BCR: variants seen among roughly 807,000 people sequenced by gnomAD.
BCR encodes breakpoint cluster region protein.
In BCR, 58 loss-of-function variants were observed where a neutral mutation model predicts 138.6. That is an observed-to-expected ratio of 0.42 (90% confidence interval 0.34 to 0.52). BCR has a LOEUF of 0.52. BCR is among the 20% of genes least tolerant of loss of function. BCR has a pLI of 0.06. For missense variants in BCR, 1,599 were observed against 1,727.2 expected (o/e 0.93, Z 1.32); for synonymous variants, 786 against 730.1 (o/e 1.08, Z -1.23).
intron 1 of BCR, 76 bp downstream of exon 1, chr22:23,182,315 CAG>C (rs1281756552): frequency 1.8e-5 from 26 of 1,425,236 alleles, no homozygotes; most frequent in Middle Eastern, 2.1e-4. Flanking sequence ...GGATACAAAA[CAG>C]AAGTTGGGAG....
intron 1 of BCR, among the ~76,000 whole-genome samples, chr22:23,239,188 A>AAGTGCAGGGGCTGTGCTCAGGAAGG (rs2073060023): frequency 6.6e-6 from 1 of 152,100 alleles, no homozygotes; most frequent in Non-Finnish European, 1.5e-5. Context: ...GAGAGTCTGA[A>AAGTGCAGGGGCTGTGCTCAGGAAGG]AGTGCAGGGG....
At chr22:23,223,491 GATGAA>G (rs1419213532) in intron 1 of BCR, among the ~76,000 whole-genome samples, 6 of 152,156 alleles carry the variant, frequency 3.9e-5, no homozygotes, top group Non-Finnish European at 7.4e-5. Context: ...TGCCTCTCAA[GATGAA>G]ATGAGAGCAT....
At position 23,316,911 on chromosome 22, in the gene BCR, AG is replaced by A. The variant is rs1458489858; in HGVS notation, c.*1390del. 7.3e-6 allele frequency: 1 copy of A among 136,506 alleles called. No homozygotes were observed. Among genetic ancestry groups the A allele is most frequent in the Non-Finnish European group, 1.4e-5 (1 of 71,174 alleles). The allele number at this position is 136,506 out of a possible 1,614,324, so 8.5% of individuals were successfully genotyped here. A position where few individuals can be genotyped will look rare whatever the true frequency, so the allele number is the denominator to read the frequency against. ...TGAATATTCCATCACTTTTTTAGAA[AG>A]AGGGGCTTGGGGCAGGCAGAGGAGA... On this transcript the variant is annotated 3_prime_UTR_variant, in exon 23 of 23. Transcript: ENST00000305877.
chr22:23,206,589 A>AC (rs1315720782), intron 1 of BCR, among the ~76,000 whole-genome samples: 1 of 152,130 alleles, frequency 6.6e-6, no homozygotes, highest in Non-Finnish European at 1.5e-5. Context: ...AAAAAAAAAA[A>AC]AAAGTTAAGA....
In BCR at chr22:23,284,004, A is replaced by G. The variant is rs1362236314; in HGVS notation, c.2143A>G (p.Met715Val). 41 of 1,601,592 alleles carry G rather than the reference A, an allele frequency of 2.6e-5. No homozygotes were observed. Among genetic ancestry groups the G allele is most frequent in the Non-Finnish European group, 3.4e-5 (40 of 1,174,322 alleles). ...CCGGCAGCTGCTGAAGGACAGCTTC[A>G]TGGTGGAGCTGGTGGAGGGGGCCCG... ...EHRQLLKDSF[M>V]VELVEGARKL... Residue 715 changes from methionine (M) to valine (V), a missense_variant, in exon 9 of 23, where the codon ATG becomes GTG. Met to Val is a conservative substitution (Grantham distance 21). This residue lies in a region of BCR where 590 missense variants were observed against 762.4 expected (regional missense o/e 0.77). Transcript: ENST00000305877.
chr22:23,284,819 G>A (rs2073691964), intron 9 of BCR, among the ~76,000 whole-genome samples: 2 of 152,318 alleles, frequency 1.3e-5, no homozygotes, highest in Admixed American at 1.3e-4. Context: ...GAGATGCCTG[G>A]GGCCTGCGGT....
intron 1 of BCR, among the ~76,000 whole-genome samples, chr22:23,195,443 T>C (rs541598883): frequency 7.2e-6 from 1 of 138,268 alleles, no homozygotes; most frequent in Non-Finnish European, 1.6e-5. Flanking sequence ...AAAAAAAATA[T>C]CAGCTGGGCA....
chr22:23,283,150 C>A (rs1312454991), intron 8 of BCR: 1 of 152,276 alleles, frequency 6.6e-6, no homozygotes, highest in Non-Finnish European at 1.5e-5. Flanking sequence ...GCAGGGGTGA[C>A]TTACCTAGAC....
intron 14 of BCR, 74 bp from the exon 15 acceptor site, chr22:23,292,467 C>A: frequency 2.9e-6 from 3 of 1,042,300 alleles, no homozygotes; most frequent in Non-Finnish European, 4.4e-6. Flanking sequence ...CTGCAAATAA[C>A]ACCTGCTCTT....
chr22:23,236,186 T>C (rs1332394264), intron 1 of BCR, among the ~76,000 whole-genome samples: 2 of 152,150 alleles, frequency 1.3e-5, no homozygotes, highest in African/African-American at 4.8e-5. Flanking sequence ...CCACGTACCT[T>C]CTGTTTCATG....
intron 1 of BCR, among the ~76,000 whole-genome samples, chr22:23,202,636 T>C (rs559754462): frequency 2.6e-5 from 4 of 152,308 alleles, no homozygotes; most frequent in Admixed American, 2.6e-4. Context: ...TGTGACTTAT[T>C]TCACATCATG....
chr22:23,229,736 C>A (rs1212529717), intron 1 of BCR, among the ~76,000 whole-genome samples: 1 of 152,230 alleles, frequency 6.6e-6, no homozygotes, highest in Non-Finnish European at 1.5e-5. Context: ...TCTCCATGAT[C>A]TTCCCTATAC....
chr22:23,262,866 G>A (rs960509512), intron 4 of BCR: 22 of 1,051,556 alleles, frequency 2.1e-5, no homozygotes, highest in Non-Finnish European at 2.3e-5. Context: ...GGCCGCAGAC[G>A]GCGAAGGAGG....
chr22:23,199,886 C>T (rs542610368), intron 1 of BCR, among the ~76,000 whole-genome samples: 60 of 152,066 alleles, frequency 3.9e-4, no homozygotes, highest in Non-Finnish European at 6.6e-4. Flanking sequence ...GTCAAGAGAC[C>T]ATCCTGGCTA....
chr22:23,240,302 C>CGTGT (rs200491524), intron 1 of BCR, among the ~76,000 whole-genome samples: 9,167 of 143,996 alleles, frequency 0.064, 328 homozygotes, highest in East Asian at 0.084. Context: ...CCTGGCTGAT[C>CGTGT]GTGTGTGTGT....
At chr22:23,314,214 T>G in intron 21 of BCR, 141 bp downstream of exon 21, 1 of 700,624 alleles carries the variant, frequency 1.4e-6, no homozygotes, top group South Asian at 1.7e-5. Context: ...TGGCGACTAG[T>G]GCCACTGCCA....
intron 6 of BCR, 40 bp downstream of exon 6, chr22:23,271,632 G>A: frequency 3.1e-6 from 5 of 1,599,036 alleles, no homozygotes; most frequent in East Asian, 2.2e-5. Flanking sequence ...GCCCTCGTCA[G>A]GGAGGCTGCT....
At chr22:23,269,101 C>T (rs547867297) in intron 5 of BCR, among the ~76,000 whole-genome samples, 1 of 152,364 alleles carries the variant, frequency 6.6e-6, no homozygotes, top group East Asian at 1.9e-4. Flanking sequence ...AACCTCAAAC[C>T]ATGTGGTGTT....
intron 1 of BCR, among the ~76,000 whole-genome samples, chr22:23,188,778 C>T (rs1325739150): frequency 6.6e-6 from 1 of 151,674 alleles, no homozygotes; most frequent in African/African-American, 2.4e-5. Context: ...TTTTTTTCCC[C>T]TTTTGAAAAG....
Sources: gnomAD v4.1 joint callset for allele counts (sites outside exome capture counted in the v4.1 genomes callset) on GRCh38, gnomAD v4.1.1 for gene constraint, gnomAD v4.1.1 regional missense constraint, MANE v1.5 for transcripts, NCBI Gene and HGNC (gene_info 2026-07-23, HGNC 2026-07-21) for gene names.